Variants in SCML4 observed in about 807,000 individuals in gnomAD.
The protein encoded by SCML4 is sex comb on midleg-like protein 4.
In SCML4, 34 loss-of-function variants were observed where a neutral mutation model predicts 41.1. The ratio of observed to expected loss-of-function variants is 0.83; its 90% confidence interval spans 0.63 to 1.10. The LOEUF is 1.10. SCML4 is among the 50% of genes least tolerant of loss of function. The pLI is 0.00. For missense variants in SCML4, 522 were observed against 534.1 expected, an observed-to-expected ratio of 0.98 and a Z score of 0.22; for synonymous variants, 214 against 220.9, an observed-to-expected ratio of 0.97 and a Z score of 0.28.
intron 2 of SCML4, among the ~76,000 whole-genome samples, chr6:107,770,228 T>A (rs1440570088): frequency 6.6e-6 from 1 of 152,108 alleles, no homozygotes; most frequent in East Asian, 1.9e-4. Flanking sequence ...AATTACTAAA[T>A]CCTATTAACA....
chr6:107,719,275 T>C (rs1775131741), intron 6 of SCML4: 1 of 152,430 alleles, frequency 6.6e-6, no homozygotes, highest in Non-Finnish European at 1.5e-5. Flanking sequence ...AGAACGCCTC[T>C]CCGGCAAGGG....
chr6:107,728,880 G>T (rs988051047), intron 5 of SCML4, among the ~76,000 whole-genome samples: 3 of 152,180 alleles, frequency 2.0e-5, no homozygotes, highest in Non-Finnish European at 2.9e-5. Context: ...TGAACAGCAC[G>T]TTCAGATGCA....
At chr6:107,757,468 G>A (rs1005526723) in intron 2 of SCML4, among the ~76,000 whole-genome samples, 51 of 152,150 alleles carry the variant, frequency 3.4e-4, no homozygotes, top group African/African-American at 1.2e-3. Context: ...ATGTATAGAG[G>A]CTGCTGGCAC....
chr6:107,825,974 G>A (rs190925272), upstream of SCML4, among the ~76,000 whole-genome samples: 445 of 150,082 alleles, frequency 3.0e-3, 4 homozygotes, highest in East Asian at 0.016. Context: ...AGATGGATGG[G>A]CTAGGTGTGG....
intron 6 of SCML4, among the ~76,000 whole-genome samples, chr6:107,713,415 C>T (rs1774422263): frequency 6.6e-6 from 1 of 152,216 alleles, no homozygotes; most frequent in African/African-American, 2.4e-5. Flanking sequence ...CCCCTCCCAC[C>T]TCAGGCTGTT....
chr6:107,746,359 C>T lies in SCML4; in HGVS notation c.487+330G>A, dbSNP rs80345665. ...TGGGTGGTGAAAGGTGGTTGGACTC[C>T]GGGTATATTTTGAAGTGGAGCGAAA... On this transcript the variant is annotated intron_variant, in intron 4 of 7. Transcript: ENST00000369020. The T allele has an allele frequency of 5.0e-3, 1,278 of 257,854 alleles. 31 individuals are homozygous for T. In the East Asian group the frequency reaches 0.057, roughly 12 times the overall value. 16.0% of individuals were successfully genotyped at this position (257,854 alleles called of 1,614,324 possible).
At chr6:107,740,173 A>G (rs1327219684) in intron 5 of SCML4, 1 of 470,790 alleles carries the variant, frequency 2.1e-6, no homozygotes, top group African/African-American at 2.0e-5. Context: ...TAAGATGTTA[A>G]AAGGAAACCA....
intron 1 of SCML4, among the ~76,000 whole-genome samples, chr6:107,782,324 C>G (rs1424389297): frequency 6.6e-6 from 1 of 152,190 alleles, no homozygotes; most frequent in Non-Finnish European, 1.5e-5. Flanking sequence ...CTGCTTCTAA[C>G]TCCAGTCCTG....
intron 5 of SCML4, among the ~76,000 whole-genome samples, chr6:107,724,656 C>T (rs1234729835): frequency 6.6e-6 from 1 of 152,104 alleles, no homozygotes; most frequent in African/African-American, 2.4e-5. Context: ...AAAAAAATCT[C>T]ATGTTCATAG....
rs936504152 is a variant in SCML4 at position 107,781,551 on chromosome 6, G to A, written c.-59-9165C>T. Among the ~76,000 whole-genome samples the A allele has an allele frequency of 3.3e-5, 5 of 152,188 alleles. No homozygotes were observed. The South Asian group carries it at 1.0e-3, about 32-fold the overall frequency. ...GCTCCCAGCTATTCAGGAGGCTGAA[G>A]TGGGAGGATTGCTGGAGCCTGGAAA... On this transcript the variant is annotated intron_variant, in intron 1 of 7. Coordinates refer to ENST00000369020, the MANE Select transcript of SCML4 (RefSeq NM_198081.5).
At chr6:107,776,464 T>C (rs972770678) in intron 1 of SCML4, among the ~76,000 whole-genome samples, 2 of 149,438 alleles carry the variant, frequency 1.3e-5, no homozygotes, top group African/African-American at 4.9e-5. Flanking sequence ...AGGAAAGAGG[T>C]GAATTATTAC....
chr6:107,760,030 G>A (rs1381559978), intron 2 of SCML4, among the ~76,000 whole-genome samples: 1 of 152,124 alleles, frequency 6.6e-6, no homozygotes, highest in Non-Finnish European at 1.5e-5. Flanking sequence ...GGTTACAGTT[G>A]TTGGTTTCTA....
intron 5 of SCML4, chr6:107,732,448 A>G (rs1583437096): frequency 1.3e-5 from 2 of 152,264 alleles, no homozygotes; most frequent in East Asian, 1.9e-4. Flanking sequence ...ATTTAAGTAC[A>G]TTTCTATTTT....
intron 2 of SCML4, among the ~76,000 whole-genome samples, chr6:107,762,324 A>G (rs1258395309): frequency 1.3e-5 from 2 of 152,198 alleles, no homozygotes; most frequent in Admixed American, 6.5e-5. Flanking sequence ...GACAGGTAAA[A>G]GGAATATATA....
intron 1 of SCML4, among the ~76,000 whole-genome samples, chr6:107,792,463 G>A (rs1169218231): frequency 1.3e-5 from 2 of 152,196 alleles, no homozygotes; most frequent in East Asian, 3.9e-4. Flanking sequence ...CGGGCGTTGT[G>A]GTTCACGCCT....
chr6:107,735,164 C>T (rs1719171999), intron 5 of SCML4, among the ~76,000 whole-genome samples: 1 of 152,220 alleles, frequency 6.6e-6, no homozygotes, highest in African/African-American at 2.4e-5. Flanking sequence ...GCGTGAGCCA[C>T]CGAGCTCAGC....
At chr6:107,834,941 A>C in the SCML4 span, among the ~76,000 whole-genome samples, 1 of 151,966 alleles carries the variant, frequency 6.6e-6, no homozygotes, top group African/African-American at 2.4e-5. Context: ...CTGTCTGAAA[A>C]AAAAAAAAGG....
the SCML4 span, among the ~76,000 whole-genome samples, chr6:107,839,922 T>C: frequency 6.6e-6 from 1 of 152,056 alleles, no homozygotes; most frequent in African/African-American, 2.4e-5. Context: ...TAAGTTGTAA[T>C]TTTTAAAATA....
intron 1 of SCML4, among the ~76,000 whole-genome samples, chr6:107,793,497 G>A (rs529725768): frequency 6.6e-6 from 1 of 152,332 alleles, no homozygotes; most frequent in South Asian, 2.1e-4. Flanking sequence ...CACTGTTCTA[G>A]AAGTGTGTAT....
Sources: allele counts gnomAD v4.1 joint callset (sites outside exome capture counted in the v4.1 genomes callset), GRCh38; gene constraint gnomAD v4.1.1; transcripts MANE v1.5; gene names NCBI Gene and HGNC (gene_info 2026-07-23, HGNC 2026-07-21).